The following NARS2 variants were observed in gnomAD, a reference collection of about 807,000 sequenced individuals.
NARS2 encodes asparaginyl-tRNA synthetase.
Under a neutral mutation model 62.9 loss-of-function variants are expected in NARS2, and 60 were observed. That is an observed-to-expected ratio of 0.95 (90% CI 0.77 to 1.18). The LOEUF is 1.18. NARS2 is among the 50% of genes most tolerant of loss of function. The pLI is 0.00. For synonymous variants in NARS2, 196 were observed against 200.0 expected (o/e 0.98, Z 0.17); for missense variants, 619 against 576.4 (o/e 1.07, Z -0.76).
intron 13 of NARS2, among the ~76,000 whole-genome samples, chr11:78,437,156 C>T (rs1313357484): frequency 6.6e-6 from 1 of 152,152 alleles, no homozygotes; most frequent in Non-Finnish European, 1.5e-5. Context: ...AAAATATACG[C>T]CTCTTTTATT....
At chr11:78,552,750 T>C (rs540931276) in intron 5 of NARS2, among the ~76,000 whole-genome samples, 21 of 152,278 alleles carry the variant, frequency 1.4e-4, no homozygotes, top group African/African-American at 4.8e-4. Flanking sequence ...ATCTTACGTA[T>C]ATGGATTGAT....
intron 9 of NARS2, among the ~76,000 whole-genome samples, chr11:78,474,756 T>C (rs947838502): frequency 1.3e-5 from 2 of 152,184 alleles, no homozygotes; most frequent in African/African-American, 4.8e-5. Flanking sequence ...TAGATACCAA[T>C]CAAATAATCA....
At chr11:78,475,453 T>C (rs934787468) in intron 9 of NARS2, among the ~76,000 whole-genome samples, 6 of 152,146 alleles carry the variant, frequency 3.9e-5, no homozygotes, top group Non-Finnish European at 8.8e-5. Context: ...ATGGTAAATA[T>C]ACTTTTGGTT....
In NARS2 at chr11:78,436,447, C is replaced by A; in HGVS notation, c.*223G>T. On this transcript the variant is annotated 3_prime_UTR_variant, in exon 14 of 14. Coordinates refer to ENST00000281038, the MANE Select transcript of NARS2 (RefSeq NM_024678.6). ...TTGAGGTAATGGATTTGAGAGTCCCCTTGCTATAAGTACCTCTTCTTGCGG... is the reference window on the plus strand; with the variant it reads ...TTGAGGTAATGGATTTGAGAGTCCCATTGCTATAAGTACCTCTTCTTGCGG... 2.1e-6 allele frequency: 1 copy of A among 483,508 alleles called. No homozygotes were observed. Among genetic ancestry groups the A allele is most frequent in the South Asian group, 3.4e-5 (1 of 29,334 alleles). The allele number at this position is 483,508 out of a possible 1,614,324, so 30.0% of individuals were successfully genotyped here. A position where few individuals can be genotyped will look rare whatever the true frequency, so the allele number is the denominator to read the frequency against.
rs769929242 is a variant in NARS2 at position 78,498,440 on chromosome 11, C to T, written c.690-5245G>A. On this transcript the variant is annotated intron_variant, in intron 6 of 13. Coordinates refer to ENST00000281038, the MANE Select transcript of NARS2 (RefSeq NM_024678.6). Reference sequence around the variant, plus strand: ...CCCCTAGAACCTTTAACTTTTCTCCCGATACTTTTCCTTATATGATTTCCC... The same window carrying T: ...CCCCTAGAACCTTTAACTTTTCTCCTGATACTTTTCCTTATATGATTTCCC... Among the ~76,000 whole-genome samples, 11 of 152,082 alleles carry T rather than the reference C, an allele frequency of 7.2e-5. No individual in the cohort carries two copies. In the South Asian group the frequency reaches 1.2e-3, roughly 17 times the overall value.
intron 6 of NARS2, among the ~76,000 whole-genome samples, chr11:78,527,888 C>T (rs538242859): frequency 6.6e-6 from 1 of 152,118 alleles, no homozygotes; most frequent in Non-Finnish European, 1.5e-5. Context: ...GGCGGAAGAA[C>T]CACTTGAGTC....
intron 2 of NARS2, 114 bp from the exon 3 acceptor site, chr11:78,568,866 T>C (rs1203175123): frequency 6.6e-6 from 5 of 752,162 alleles, no homozygotes; most frequent in African/African-American, 1.8e-5. Flanking sequence ...TTTACCCTTA[T>C]TGGGTTAAAT....
intron 5 of NARS2, among the ~76,000 whole-genome samples, chr11:78,554,500 C>CGTGTGCGTGTGTGTGTGT (rs1555041386): frequency 7.1e-5 from 3 of 42,498 alleles, no homozygotes; most frequent in Non-Finnish European, 2.7e-4. Flanking sequence ...TATTCCTAGG[C>CGTGTGCGTGTGTGTGTGT]GTGTGTGCGT....
chr11:78,476,697 G>A (rs971357840), intron 9 of NARS2, among the ~76,000 whole-genome samples: 1 of 152,198 alleles, frequency 6.6e-6, no homozygotes, highest in African/African-American at 2.4e-5. Flanking sequence ...TTTGTAGTAT[G>A]CAGAATGGAT....
rs1429891032 is a variant in NARS2, at chr11:78,563,852, ATATATAT to A, written c.513+2273_513+2279del. On this transcript the variant is annotated intron_variant, in intron 4 of 13. Transcript: ENST00000281038. The stretch of plus-strand genomic sequence containing the variant: ...ATCAAAAAAAAAAAAAAAAAAAAAA[ATATATAT>A]ATATATATATGTATACACACACACA... 1.4e-3 allele frequency among the ~76,000 whole-genome samples: 29 copies of A among 20,240 alleles called. 2 individuals are homozygous for A. The highest frequency in any genetic ancestry group is 2.3e-3 in the East Asian group (3 of 1,294). The allele number at this position is 20,240 out of a possible 152,430, so 13.3% of individuals were successfully genotyped here. A position where few individuals can be genotyped will look rare whatever the true frequency, so the allele number is the denominator to read the frequency against.
In NARS2 at chr11:78,478,449, G is replaced by C; in HGVS notation, c.948C>G (p.Asn316Lys). The change falls in exon 9 of 14, where the codon AAC becomes AAG. Residue 316 changes from asparagine (N) to lysine (K), a missense_variant. By Grantham distance (94) the Asn-to-Lys change is moderately conservative (BLOSUM62 0). Transcript: ENST00000281038. Reference protein sequence around the residue: ...QKDRLEHMLKNNFLIISYTEA... With the variant: ...QKDRLEHMLKKNFLIISYTEA... Reference sequence around the variant, plus strand: ...TAACATCTACTTACATTAAAAAGTTGTTTTTTAGCATATGTTCTAATCTGT... The same window carrying C: ...TAACATCTACTTACATTAAAAAGTTCTTTTTTAGCATATGTTCTAATCTGT... 4 of 1,087,310 alleles carry C rather than the reference G, an allele frequency of 3.7e-6. No individual in the cohort carries two copies. Among genetic ancestry groups the C allele is most frequent in the Non-Finnish European group, 5.2e-6 (4 of 773,088 alleles). 67.4% of individuals were successfully genotyped at this position (1,087,310 alleles called of 1,614,324 possible). A position where few individuals can be genotyped will look rare whatever the true frequency, so the allele number is the denominator to read the frequency against.
chr11:78,503,249 G>A (rs1352965685), intron 6 of NARS2, among the ~76,000 whole-genome samples: 1 of 152,096 alleles, frequency 6.6e-6, no homozygotes, highest in Non-Finnish European at 1.5e-5. Flanking sequence ...GTTCAGCACA[G>A]ATGCTGAATG....
At chr11:78,500,590 C>T (rs1290602871) in intron 6 of NARS2, among the ~76,000 whole-genome samples, 3 of 152,118 alleles carry the variant, frequency 2.0e-5, no homozygotes, top group Non-Finnish European at 4.4e-5. Flanking sequence ...CCTCCTGCCC[C>T]AGCCTCTTGA....
At chr11:78,446,296 A>G (rs1317385120) in intron 11 of NARS2, among the ~76,000 whole-genome samples, 1 of 152,184 alleles carries the variant, frequency 6.6e-6, no homozygotes, top group Non-Finnish European at 1.5e-5. Context: ...CCTCATTACT[A>G]TGATTAAAGA....
intron 5 of NARS2, among the ~76,000 whole-genome samples, chr11:78,547,410 C>A (rs1015759840): frequency 6.6e-6 from 1 of 152,086 alleles, no homozygotes; most frequent in Admixed American, 6.6e-5. Context: ...AAAAAAATAG[C>A]CAATGAATTC....
intron 6 of NARS2, among the ~76,000 whole-genome samples, chr11:78,500,953 G>A (rs916260794): frequency 6.6e-5 from 10 of 152,028 alleles, no homozygotes; most frequent in East Asian, 1.9e-4. Flanking sequence ...TTAGCCAAGC[G>A]TGGTGGCATG....
At chr11:78,472,861 T>C (rs866050933) in intron 9 of NARS2, among the ~76,000 whole-genome samples, 5 of 152,224 alleles carry the variant, frequency 3.3e-5, no homozygotes, top group Non-Finnish European at 5.9e-5. Context: ...GATGCCAAAG[T>C]GGTAGAGAGG....
At chr11:78,470,517 T>G (rs1858824962) in intron 9 of NARS2, among the ~76,000 whole-genome samples, 1 of 152,192 alleles carries the variant, frequency 6.6e-6, no homozygotes, top group South Asian at 2.1e-4. Flanking sequence ...CTTTCACACC[T>G]AATTTTACTA....
chr11:78,506,418 G>A (rs574055608), intron 6 of NARS2, among the ~76,000 whole-genome samples: 2 of 152,294 alleles, frequency 1.3e-5, no homozygotes, highest in East Asian at 3.9e-4. Context: ...CCACACGCAG[G>A]AAACAACTAA....
Sources: allele counts gnomAD v4.1 joint callset (sites outside exome capture counted in the v4.1 genomes callset), GRCh38; gene constraint gnomAD v4.1.1; transcripts MANE v1.5; gene names NCBI Gene and HGNC (gene_info 2026-07-23, HGNC 2026-07-21).